The following LAMA2 variants were observed in gnomAD, a reference collection of about 807,000 sequenced individuals.
The protein encoded by LAMA2 is laminin subunit alpha-2.
LAMA2 carries 269 observed loss-of-function variants against 364.8 expected under a neutral mutation model. The ratio of observed to expected loss-of-function variants is 0.74; its 90% confidence interval spans 0.67 to 0.82. The LOEUF (loss-of-function observed/expected upper bound fraction) is 0.82, where lower values mean the gene tolerates loss of function less well. LAMA2 is among the 40% of genes least tolerant of loss of function. The pLI is 0.00. For synonymous variants in LAMA2, 1,379 were observed against 1,370.6 expected, an observed-to-expected ratio of 1.01 and a Z score of -0.14; for missense variants, 3,807 against 3,873.2, an observed-to-expected ratio of 0.98 and a Z score of 0.45.
At chr6:129,073,778 AT>A (rs1373349910) in intron 3 of LAMA2, among the ~76,000 whole-genome samples, 1 of 152,184 alleles carries the variant, frequency 6.6e-6, no homozygotes, top group African/African-American at 2.4e-5. Context: ...TCTGGAACAT[AT>A]TAATAACAGT....
intron 4 of LAMA2, among the ~76,000 whole-genome samples, chr6:129,135,119 TGAA>T (rs1777707859): frequency 6.6e-6 from 1 of 152,030 alleles, no homozygotes; most frequent in Admixed American, 6.5e-5. Flanking sequence ...CACAAATTCA[TGAA>T]GAAAAGCCAA....
In LAMA2 at chr6:129,491,992, G is replaced by T. The variant is rs200094005; in HGVS notation, c.7990G>T (p.Gly2664Cys). ...PIEVKKLFVG[G>C]APPEFQPSPL... is the part of the protein sequence containing the mutation. ...CGAAGTTAAAAAGCTTTTCGTTGGG[G>T]GTGCTCCACCTGAATTTCAACCTTC... The change falls in exon 57 of 65, where the codon GGT (glycine) becomes TGT (cysteine). Residue 2664 changes from glycine (G) to cysteine (C), a missense_variant. This residue lies in a region of LAMA2 where 3,333 missense variants were observed against 3,345.7 expected (regional missense o/e 1.00). Coordinates refer to ENST00000421865, the MANE Select transcript of LAMA2 (RefSeq NM_000426.4). The T allele has an allele frequency of 6.2e-7, 1 of 1,613,934 alleles. No individual in the cohort carries two copies. The highest frequency in any genetic ancestry group is 1.3e-5 in the African/African-American group (1 of 75,008).
chr6:129,505,528 A>G (rs1785989630), intron 61 of LAMA2, among the ~76,000 whole-genome samples, 173 bp downstream of exon 61: 1 of 152,040 alleles, frequency 6.6e-6, no homozygotes, highest in African/African-American at 2.4e-5. Flanking sequence ...GTTTGTTTTG[A>G]GACAGAGTCT....
rs1237517024 is a variant in LAMA2 at position 129,059,822 on chromosome 6, A to C, written c.322A>C (p.Thr108Pro). ...PITNAIDGKN[T>P]WWQSPSIKNG... Reference sequence around the variant, plus strand: ...TACAAATGCTATTGATGGAAAGAACACTTGGTGGCAGAGTCCCAGTATTAA... The same window carrying C: ...TACAAATGCTATTGATGGAAAGAACCCTTGGTGGCAGAGTCCCAGTATTAA... The change falls in exon 3 of 65, where the codon ACT becomes CCT. Residue 108 changes from threonine (T) to proline (P), a missense_variant. Physicochemically the swap from Thr to Pro is conservative, Grantham distance 38 (BLOSUM62 -1). Around this residue, in one of 3 missense-constraint regions of LAMA2, gnomAD observed 394 missense variants for 403.5 expected, o/e 0.98. Coordinates refer to ENST00000421865, the MANE Select transcript of LAMA2 (RefSeq NM_000426.4). 3.1e-6 allele frequency: 5 copies of C among 1,610,862 alleles called. No individual in the cohort carries two copies. The highest frequency in any genetic ancestry group is 2.5e-6 in the Non-Finnish European group (3 of 1,177,070).
intron 9 of LAMA2, among the ~76,000 whole-genome samples, chr6:129,168,261 C>T (rs368109221): frequency 1.3e-5 from 2 of 149,634 alleles, no homozygotes; most frequent in Non-Finnish European, 3.0e-5. Flanking sequence ...CTGAATGGTA[C>T]TGCCTAGGTT....
intron 20 of LAMA2, among the ~76,000 whole-genome samples, chr6:129,295,918 C>T (rs1442190575): frequency 3.3e-5 from 5 of 151,322 alleles, no homozygotes; most frequent in Admixed American, 6.6e-5. Flanking sequence ...TTTTCAATAC[C>T]GTTTTAATAT....
chr6:129,056,738 T>C (rs1346254836), intron 2 of LAMA2, among the ~76,000 whole-genome samples: 1 of 152,108 alleles, frequency 6.6e-6, no homozygotes, highest in Non-Finnish European at 1.5e-5. Flanking sequence ...ATATTCAGCT[T>C]TTTAAATTTT....
At chr6:129,502,979 GAGA>G (rs924455977) in intron 59 of LAMA2, 109 bp from the exon 60 acceptor site, 4 of 1,076,546 alleles carry the variant, frequency 3.7e-6, no homozygotes, top group Admixed American at 1.8e-5. Flanking sequence ...CCTCATCTCT[GAGA>G]AGGTTTTACT....
intron 30 of LAMA2, among the ~76,000 whole-genome samples, chr6:129,344,520 G>A (rs570238116): frequency 3.3e-4 from 50 of 152,310 alleles, no homozygotes; most frequent in Middle Eastern, 3.4e-3. Context: ...ATATCTGTCT[G>A]AATGGAAATA....
intron 12 of LAMA2, among the ~76,000 whole-genome samples, chr6:129,223,557 A>G (rs1461371479): frequency 9.9e-5 from 15 of 152,198 alleles, no homozygotes; most frequent in Non-Finnish European, 5.9e-5. Flanking sequence ...AGCTTTCTAC[A>G]TATGGCTAGC....
chr6:129,118,672 T>G (rs1776614804), intron 4 of LAMA2, among the ~76,000 whole-genome samples: 1 of 152,252 alleles, frequency 6.6e-6, no homozygotes, highest in Middle Eastern at 3.2e-3. Context: ...TCCCAACTAC[T>G]GTGATCCTGT....
chr6:129,371,502 G>A (rs1007314398), intron 34 of LAMA2, among the ~76,000 whole-genome samples: 1 of 151,886 alleles, frequency 6.6e-6, no homozygotes, highest in Admixed American at 6.6e-5. Flanking sequence ...CATGTTCTAG[G>A]AATTATGACA....
intron 58 of LAMA2, among the ~76,000 whole-genome samples, chr6:129,498,982 A>C (rs967955638): frequency 1.3e-5 from 2 of 152,152 alleles, no homozygotes; most frequent in Non-Finnish European, 2.9e-5. Context: ...TGCACTATCT[A>C]CTTCCCTAAA....
chr6:129,219,808 C>G (rs917300809), intron 12 of LAMA2, among the ~76,000 whole-genome samples: 3 of 119,618 alleles, frequency 2.5e-5, no homozygotes, highest in Non-Finnish European at 3.3e-5. Flanking sequence ...AGGGGAACAT[C>G]ACACTCTGGG....
At chr6:129,280,502 G>A (rs1296747393) in intron 18 of LAMA2, among the ~76,000 whole-genome samples, 2 of 151,980 alleles carry the variant, frequency 1.3e-5, no homozygotes, top group Non-Finnish European at 2.9e-5. Context: ...TTCATAATTA[G>A]CTTTTTGTCC....
At chr6:129,424,305 G>C (rs1781220072) in intron 40 of LAMA2, among the ~76,000 whole-genome samples, 1 of 151,280 alleles carries the variant, frequency 6.6e-6, no homozygotes, top group South Asian at 2.1e-4. Context: ...TGTGATCTTG[G>C]GTAAAGCAAA....
chr6:129,227,833 G>A (rs776214959), intron 12 of LAMA2, among the ~76,000 whole-genome samples: 61 of 152,152 alleles, frequency 4.0e-4, no homozygotes, highest in Middle Eastern at 3.2e-3. Context: ...CATGCTGGGA[G>A]AACCACTACT....
At chr6:129,089,174 ACT>A (rs1774647583) in intron 3 of LAMA2, among the ~76,000 whole-genome samples, 1 of 152,204 alleles carries the variant, frequency 6.6e-6, no homozygotes, top group Admixed American at 6.5e-5. Context: ...GTGTTAAGTG[ACT>A]CTGATCTGTT....
rs182064878 is a variant in LAMA2 at position 129,441,003 on chromosome 6, G to C, written c.6268+5G>C. Reference sequence around the variant, plus strand: ...TTAAAGATCCTTCCAAGAACAGTAAGATCTCCTTTTTCATTGTGATGATGT... The same window carrying C: ...TTAAAGATCCTTCCAAGAACAGTAACATCTCCTTTTTCATTGTGATGATGT... On this transcript the variant is annotated splice_donor_5th_base_variant and intron_variant, in intron 43 of 64. Coordinates refer to ENST00000421865, the MANE Select transcript of LAMA2 (RefSeq NM_000426.4). The C allele has an allele frequency of 9.8e-4, 1,578 of 1,610,274 alleles. 3 individuals are homozygous for C. Among genetic ancestry groups the C allele is most frequent in the Non-Finnish European group, 1.2e-3 (1,425 of 1,176,630 alleles).
Sources: gnomAD v4.1 joint callset for allele counts (sites outside exome capture counted in the v4.1 genomes callset) on GRCh38, gnomAD v4.1.1 for gene constraint, gnomAD v4.1.1 regional missense constraint, MANE v1.5 for transcripts, NCBI Gene and HGNC (gene_info 2026-07-23, HGNC 2026-07-21) for gene names.